Variants in SBF1 observed in about 807,000 individuals in gnomAD.
SBF1 encodes the protein SET binding factor 1, also known as myotubularin-related protein 5.
A neutral mutation model predicts 215.8 loss-of-function variants in SBF1; 65 were observed. That is an observed-to-expected ratio of 0.30 (90% CI 0.25 to 0.37). The LOEUF (loss-of-function observed/expected upper bound fraction) is 0.37. SBF1 is among the 10% of genes least tolerant of loss of function. SBF1 has a pLI of 1.00. For missense variants in SBF1, 2,634 were observed against 2,667.8 expected (o/e 0.99, Z 0.28); for synonymous variants, 1,410 against 1,122.8 (o/e 1.26, Z -5.11).
chr22:50,466,698 A>C lies in SBF1; in HGVS notation c.562T>G (p.Leu188Val). 2 of 1,539,322 alleles carry C rather than the reference A, an allele frequency of 1.3e-6. No homozygotes were observed. Among genetic ancestry groups the C allele is most frequent in the Non-Finnish European group, 1.8e-6 (2 of 1,139,662 alleles). Residue 188 changes from leucine (L) to valine (V), a missense_variant, in exon 6 of 41, where the codon TTG (leucine) becomes GTG (valine). Transcript: ENST00000380817. ...ATGACCTGCCGGTCACCAGCCCCCA[A>C]AGAGATCGTCCTCTGCAGCAAAAAA... is the stretch of plus-strand genomic sequence containing the variant. ...LAGGSQRTIS[L>V]GAGDRQVIQT...
Position 50,464,641 on chromosome 22 carries a change from T to A in SBF1, c.1529A>T (p.Glu510Val). 1 of 1,609,806 alleles carries A rather than the reference T, an allele frequency of 6.2e-7. No individual in the cohort carries two copies. Residue 510 changes from glutamate to valine, a missense_variant, in exon 14 of 41, where the codon GAG (glutamate) becomes GTG (valine). Glu to Val is a moderately radical substitution (Grantham distance 121, BLOSUM62 -2). Transcript: ENST00000380817. ...GTCCACGATCCACTGCACGGTGCCC[T>A]CATCCAGCCGGGGGAAGGGTCGGGG... is the stretch of plus-strand genomic sequence containing the variant. ...RVPRPFPRLDEGTVQWIVDQA... is the reference protein window; with the variant it reads ...RVPRPFPRLDVGTVQWIVDQA...
chr22:50,468,838 C>G (rs969981098), intron 1 of SBF1, among the ~76,000 whole-genome samples: 3 of 152,112 alleles, frequency 2.0e-5, no homozygotes, highest in African/African-American at 7.2e-5. Flanking sequence ...GGCCCCCCAA[C>G]AGTGGGCATC....
In SBF1 at chr22:50,464,861, G is replaced by T; in HGVS notation, c.1389C>A (p.Val463=). ...CTGCCAGTTCCTGGACGTGACGCAG[G>T]ACACGCTGGGGGTGGTTCTCATCCG... ...MRADENHPQR[V]LRHVQELAEQ... The change falls in exon 13 of 41, where the codon GTC becomes GTA. Residue 463 remains valine (V), a synonymous_variant. Coordinates refer to ENST00000380817, the MANE Select transcript of SBF1 (RefSeq NM_002972.4). The T allele has an allele frequency of 6.2e-7, 1 of 1,613,662 alleles. No homozygotes were observed. The highest frequency in any genetic ancestry group is 8.5e-7 in the Non-Finnish European group (1 of 1,180,016).
At chr22:50,466,523 C>T (rs1323607582) in intron 6 of SBF1, 41 bp from the exon 7 acceptor site, 4 of 1,530,854 alleles carry the variant, frequency 2.6e-6, no homozygotes, top group East Asian at 2.5e-5. Flanking sequence ...CCTGGGCCCC[C>T]ACCCAGGCAG....
rs1170645964 is a variant in SBF1, at chr22:50,467,888, C to G, written c.177G>C (p.Glu59Asp). The change falls in exon 3 of 41, where the codon GAG becomes GAC. Residue 59 changes from glutamate (E) to aspartate (D), a missense_variant. Coordinates refer to ENST00000380817, the MANE Select transcript of SBF1 (RefSeq NM_002972.4). The stretch of plus-strand genomic sequence containing the variant: ...CAACAAAGAAGGTCGGTGGATTCCT[C>G]TCGGGACACAGCTGCCACCCGCTGG... ...CQPSGWQLCP[E>D]RNPPTFFVAV... 5.0e-6 allele frequency: 8 copies of G among 1,614,044 alleles called. No individual in the cohort carries two copies. The highest frequency in any genetic ancestry group is 6.8e-6 in the Non-Finnish European group (8 of 1,179,984).
intron 28 of SBF1, among the ~76,000 whole-genome samples, chr22:50,458,377 T>C (rs1057240084): frequency 1.3e-5 from 2 of 149,042 alleles, no homozygotes; most frequent in African/African-American, 4.9e-5. Context: ...CTTGAGCCCC[T>C]GAGCATTGCT....
At position 50,466,246 on chromosome 22, in the gene SBF1, C is replaced by T. The variant is rs1338561470; in HGVS notation, c.801G>A (p.Val267=). Residue 267 remains valine, a synonymous_variant, in exon 8 of 41, where the codon GTG becomes GTA. Coordinates refer to ENST00000380817, the MANE Select transcript of SBF1 (RefSeq NM_002972.4). ...CCAGCAGCTGAGCCGGCAGGATGGGCACATAGGTGAAGCTGTGCAGGCCCC... is the reference window on the plus strand; with the variant it reads ...CCAGCAGCTGAGCCGGCAGGATGGGTACATAGGTGAAGCTGTGCAGGCCCC... ...LFPLRYSFTY[V]PILPAQLLEV... is the part of the protein sequence containing the mutation. 1 of 1,613,498 alleles carries T rather than the reference C, an allele frequency of 6.2e-7. No individual in the cohort carries two copies. Among genetic ancestry groups the T allele is most frequent in the Non-Finnish European group, 8.5e-7 (1 of 1,180,032 alleles).
rs749399086 is a variant in SBF1 at position 50,464,837 on chromosome 22, T to C, written c.1413A>G (p.Ala471=). Residue 471 remains alanine (A), a synonymous_variant, in exon 13 of 41, where the codon GCA becomes GCG. Coordinates refer to ENST00000380817, the MANE Select transcript of SBF1 (RefSeq NM_002972.4). ...QRVLRHVQEL[A]EQLYKNENPY... ...CTCGTACGTTCTTGTAGAGCTGCTC[T>C]GCCAGTTCCTGGACGTGACGCAGGA... 6.2e-7 allele frequency: 1 copy of C among 1,613,714 alleles called. No individual in the cohort carries two copies. Among genetic ancestry groups the C allele is most frequent in the Non-Finnish European group, 8.5e-7 (1 of 1,180,016 alleles).
chr22:50,449,654 A>ACCCC (rs1556417464), intron 36 of SBF1, among the ~76,000 whole-genome samples: 4 of 148,868 alleles, frequency 2.7e-5, no homozygotes, highest in African/African-American at 1.0e-4. Flanking sequence ...ACACACACAC[A>ACCCC]CACCCCAAAA....
Position 50,466,650 on chromosome 22 carries a change from G to A in SBF1, c.610C>T (p.Leu204=). The A allele has an allele frequency of 6.4e-6, 10 of 1,551,830 alleles. No homozygotes were observed. The highest frequency in any genetic ancestry group is 7.8e-6 in the Non-Finnish European group (9 of 1,147,542). The change falls in exon 6 of 41, where the codon CTG becomes TTG. Residue 204 remains leucine, a synonymous_variant. Coordinates refer to ENST00000380817, the MANE Select transcript of SBF1 (RefSeq NM_002972.4). The part of the protein sequence containing the change: ...QVIQTPLADS[L]PVSRCSVALL... ...GCCACGCTGCAGCGGCTGACGGGCA[G>A]CGAGTCGGCCAGTGGAGTCTGGATG...
intron 6 of SBF1, 23 bp downstream of exon 6, chr22:50,466,582 G>C (rs540019344): frequency 2.6e-6 from 4 of 1,539,694 alleles, no homozygotes; most frequent in Non-Finnish European, 3.5e-6. Flanking sequence ...GAAGCCATGC[G>C]GGGGTGGGAC....
At chr22:50,463,062 C>G in intron 16 of SBF1, 124 bp from the exon 17 acceptor site, 1 of 1,187,656 alleles carries the variant, frequency 8.4e-7, no homozygotes, top group Non-Finnish European at 1.2e-6. Flanking sequence ...TCCAGCTCCC[C>G]AAGGCTGCCT....
In SBF1 at chr22:50,445,339, T is replaced by A. The variant is rs1343892885; in HGVS notation, c.*1803A>T. The A allele has an allele frequency of 2.0e-5, 3 of 152,300 alleles. No individual in the cohort carries two copies. In the East Asian group the frequency reaches 5.8e-4, roughly 29 times the overall value. 9.4% of individuals were successfully genotyped at this position (152,300 alleles called of 1,614,324 possible). On this transcript the variant is annotated 3_prime_UTR_variant, in exon 41 of 41. Transcript: ENST00000380817. Reference sequence around the variant, plus strand: ...ACATCAACCCCAGGACTTCCTTTTGTGCCAGCTCCCCCTCCCAGAAGCCTG... The same window carrying A: ...ACATCAACCCCAGGACTTCCTTTTGAGCCAGCTCCCCCTCCCAGAAGCCTG...
intron 38 of SBF1, 25 bp from the exon 39 acceptor site, chr22:50,447,634 C>T: frequency 6.4e-7 from 1 of 1,559,658 alleles, no homozygotes; most frequent in South Asian, 1.1e-5. Context: ...GAACCAGGGC[C>T]AGGCTGACCG....
intron 28 of SBF1, 37 bp downstream of exon 28, chr22:50,459,218 T>C: frequency 1.3e-6 from 2 of 1,571,456 alleles, no homozygotes; most frequent in South Asian, 1.1e-5. Context: ...CCCCCCAAAG[T>C]GCCCCTGCCC....
intron 28 of SBF1, chr22:50,457,370 A>G (rs2067297140): frequency 9.7e-6 from 4 of 411,536 alleles, no homozygotes; most frequent in Non-Finnish European, 1.7e-5. Context: ...CTCCTCTAAC[A>G]CTTCCTTTCT....
chr22:50,457,693 G>A (rs1226568645), intron 28 of SBF1, among the ~76,000 whole-genome samples: 2 of 152,248 alleles, frequency 1.3e-5, no homozygotes, highest in Non-Finnish European at 2.9e-5. Context: ...TGAGGTTTAC[G>A]GTCCAGACGA....
In SBF1 at chr22:50,454,918, G is replaced by A. The variant is rs375660466; in HGVS notation, c.4708C>T (p.Arg1570Cys). Reference sequence around the variant, plus strand: ...GACCTGCACGGCACCTGGCCCCTGCGTTCCCCCTTCTCCTCATACAGCAGC... The same window carrying A: ...GACCTGCACGGCACCTGGCCCCTGCATTCCCCCTTCTCCTCATACAGCAGC... Reference protein sequence around the residue: ...LGLLYEEKGERRGQVPCRSVW... With the variant: ...LGLLYEEKGECRGQVPCRSVW... Residue 1570 changes from arginine (R) to cysteine (C), a missense_variant, in exon 35 of 41, where the codon CGC becomes TGC. Transcript: ENST00000380817. 53 of 1,613,884 alleles carry A rather than the reference G, an allele frequency of 3.3e-5. No homozygotes were observed. The highest frequency in any genetic ancestry group is 1.6e-4 in the Middle Eastern group (1 of 6,084).
In SBF1 at chr22:50,456,525, G is replaced by C. The variant is rs774902522; in HGVS notation, c.4053C>G (p.Ala1351=). The change falls in exon 30 of 41, where the codon GCC becomes GCG. Residue 1351 remains alanine (A), a synonymous_variant. Coordinates refer to ENST00000380817, the MANE Select transcript of SBF1 (RefSeq NM_002972.4). Reference sequence around the variant, plus strand: ...GGGCTTTGTCCCCAAGGATATAGAGGGCTGCTCGCTGCGGACGCAGGAAGC... The same window carrying C: ...GGGCTTTGTCCCCAAGGATATAGAGCGCTGCTCGCTGCGGACGCAGGAAGC... The part of the protein sequence containing the change: ...DPGFLRPQRA[A]LYILGDKAQL... 1.3e-6 allele frequency: 2 copies of C among 1,587,780 alleles called. No individual in the cohort carries two copies. Among genetic ancestry groups the C allele is most frequent in the Non-Finnish European group, 1.7e-6 (2 of 1,167,768 alleles).
Sources: gnomAD v4.1 joint callset for allele counts (sites outside exome capture counted in the v4.1 genomes callset) on GRCh38, gnomAD v4.1.1 for gene constraint, MANE v1.5 for transcripts, NCBI Gene and HGNC (gene_info 2026-07-23, HGNC 2026-07-21) for gene names.